STAT1: variants seen among roughly 807,000 people sequenced by gnomAD.
The protein encoded by STAT1 is signal transducer and activator of transcription 1-alpha/beta.
In STAT1, 24 loss-of-function variants were observed where a neutral mutation model predicts 111.7. The observed-to-expected ratio is 0.21, with a 90% CI of 0.16 to 0.30. The LOEUF is 0.30. Ranked by LOEUF, STAT1 falls within the 10% of genes least tolerant of loss-of-function variation. The pLI is 1.00. For missense variants in STAT1, 351 were observed against 911.9 expected, an observed-to-expected ratio of 0.38 and a Z score of 7.92; for synonymous variants, 332 against 326.5, an observed-to-expected ratio of 1.02 and a Z score of -0.18.
intron 5 of STAT1, among the ~76,000 whole-genome samples, chr2:191,002,857 T>A (rs1396001803): frequency 2.0e-5 from 3 of 152,234 alleles, no homozygotes; most frequent in African/African-American, 7.2e-5. Flanking sequence ...GAATGAGTAT[T>A]GAATTCTGTT....
rs1694756690 is a variant in STAT1, at chr2:191,007,015, G to A, written c.372+548C>T. 6.6e-6 allele frequency among the ~76,000 whole-genome samples: 1 copy of A among 152,118 alleles called. No individual in the cohort carries two copies. The highest frequency in any genetic ancestry group is 1.5e-5 in the Non-Finnish European group (1 of 68,030). On this transcript the variant is annotated intron_variant, in intron 5 of 24. Coordinates refer to ENST00000361099, the MANE Select transcript of STAT1 (RefSeq NM_007315.4). The surrounding 1 kb of genome is among the most constrained non-coding windows in gnomAD (Gnocchi z 4.2). The stretch of plus-strand genomic sequence containing the variant: ...CATTACCATTTTTCAAGGGGTTCTA[G>A]TAGCTGCTGTAGAGCCATCCTTGAC...
chr2:190,976,865 T>G lies in STAT1; in HGVS notation c.2034A>C (p.Gly678=), dbSNP rs781537075. The change falls in exon 22 of 25, where the codon GGA becomes GGC. Residue 678 remains glycine, a synonymous_variant. Coordinates refer to ENST00000361099, the MANE Select transcript of STAT1 (RefSeq NM_007315.4). The surrounding 1 kb of genome is among the most constrained non-coding windows in gnomAD (Gnocchi z 6.0). ...CTTCCTTTGGCCTGGAGTAATACTTTCCAAAGGCATGGTCTTTGTCAATAT... is the reference window on the plus strand; with the variant it reads ...CTTCCTTTGGCCTGGAGTAATACTTGCCAAAGGCATGGTCTTTGTCAATAT... ...YPNIDKDHAF[G]KYYSRPKEAP... 1.2e-6 allele frequency: 2 copies of G among 1,614,208 alleles called. No individual in the cohort carries two copies. The highest frequency in any genetic ancestry group is 1.7e-5 in the Admixed American group (1 of 60,026).
intron 24 of STAT1, among the ~76,000 whole-genome samples, chr2:190,972,817 GT>G (rs1462674408): frequency 1.6e-4 from 4 of 25,572 alleles, no homozygotes; most frequent in African/African-American, 4.6e-4. Flanking sequence ...TGTATAGAGG[GT>G]GTGTGTGTGT....
In STAT1 at chr2:190,998,089, A is replaced by G; in HGVS notation, c.634-82T>C. On this transcript the variant is annotated intron_variant, in intron 8 of 24. Transcript: ENST00000361099. This position sits in a 1 kb window ranked among gnomAD's most constrained non-coding sequence, Gnocchi z 4.1. ...AAAATATTTTTTAAAAGAAAAGCAA[A>G]TATCATTTCATTCTCAACTGGGGCT... The G allele has an allele frequency of 1.9e-6, 3 of 1,573,424 alleles. No homozygotes were observed. The highest frequency in any genetic ancestry group is 2.6e-6 in the Non-Finnish European group (3 of 1,151,984).
chr2:191,004,807 C>CA lies in STAT1; in HGVS notation c.372+2755dup, dbSNP rs1347069248. ...TGGTAACCATTAGTCCTTAAGAACA[C>CA]AAAGATGGAACAGCAAAGGAAGCTT... On this transcript the variant is annotated intron_variant, in intron 5 of 24. Transcript: ENST00000361099. This position sits in a 1 kb window ranked among gnomAD's most constrained non-coding sequence, Gnocchi z 5.0. Among the ~76,000 whole-genome samples, 1 of 152,188 alleles carries CA rather than the reference C, an allele frequency of 6.6e-6. No homozygotes were observed. Among genetic ancestry groups the CA allele is most frequent in the Non-Finnish European group, 1.5e-5 (1 of 68,040 alleles).
In STAT1 at chr2:190,999,708, C is replaced by T. The variant is rs367840028; in HGVS notation, c.463-4G>A. Reference sequence around the variant, plus strand: ...TCTTGATTTCATGCTCTATACACTACAAACAAAGATGTAAACATGTTTTCT... The same window carrying T: ...TCTTGATTTCATGCTCTATACACTATAAACAAAGATGTAAACATGTTTTCT... On this transcript the variant is annotated splice_region_variant and splice_polypyrimidine_tract_variant and intron_variant, in intron 6 of 24. Transcript: ENST00000361099. This position sits in a 1 kb window ranked among gnomAD's most constrained non-coding sequence, Gnocchi z 4.1. The T allele has an allele frequency of 1.2e-6, 2 of 1,606,424 alleles. No homozygotes were observed.
At position 190,978,791 on chromosome 2, in the gene STAT1, G is replaced by A; in HGVS notation, c.1873+65C>T. On this transcript the variant is annotated intron_variant, in intron 21 of 24. Coordinates refer to ENST00000361099, the MANE Select transcript of STAT1 (RefSeq NM_007315.4). The surrounding 1 kb of genome is among the most constrained non-coding windows in gnomAD (Gnocchi z 6.1). ...ACGCACTATCTGTATGAGCTGACTG[G>A]CGGCGATGAAGAGGGACTTCACACA... 6.3e-7 allele frequency: 1 copy of A among 1,591,960 alleles called. No homozygotes were observed. The highest frequency in any genetic ancestry group is 2.3e-5 in the East Asian group (1 of 44,386).
chr2:191,005,652 C>T (rs146748824), intron 5 of STAT1, among the ~76,000 whole-genome samples: 4 of 152,262 alleles, frequency 2.6e-5, no homozygotes, highest in East Asian at 3.9e-4. Context: ...CACAAAAACG[C>T]GATCACCTAG....
At position 190,973,427 on chromosome 2, in the gene STAT1, G is replaced by T. The variant is rs1691655529; in HGVS notation, c.2238+1403C>A. Reference sequence around the variant, plus strand: ...ATAACACCTAACTCAGAAGGTGGCTGTGAGGACTGAATGAGTTACTACCTG... The same window carrying T: ...ATAACACCTAACTCAGAAGGTGGCTTTGAGGACTGAATGAGTTACTACCTG... On this transcript the variant is annotated intron_variant, in intron 24 of 24. Coordinates refer to ENST00000361099, the MANE Select transcript of STAT1 (RefSeq NM_007315.4). This position sits in a 1 kb window ranked among gnomAD's most constrained non-coding sequence, Gnocchi z 4.4. Among the ~76,000 whole-genome samples, 5 of 152,202 alleles carry T rather than the reference G, an allele frequency of 3.3e-5. No individual in the cohort carries two copies. Among genetic ancestry groups the T allele is most frequent in the South Asian group, 2.1e-4 (1 of 4,834 alleles).
rs1693520604 is a variant in STAT1 at position 190,993,191 on chromosome 2, C to T, written c.944+1870G>A. ...TACTACTTTCTCTGTGGTCAGATCA[C>T]ACTTGTTCCCTACCAACAATTTGTT... On this transcript the variant is annotated intron_variant, in intron 10 of 24. Coordinates refer to ENST00000361099, the MANE Select transcript of STAT1 (RefSeq NM_007315.4). This position sits in a 1 kb window ranked among gnomAD's most constrained non-coding sequence, Gnocchi z 4.1. 3.8e-6 allele frequency: 2 copies of T among 531,880 alleles called. No homozygotes were observed. Among genetic ancestry groups the T allele is most frequent in the South Asian group, 3.6e-5 (2 of 55,598 alleles). The allele number at this position is 531,880 out of a possible 1,614,324, so 32.9% of individuals were successfully genotyped here.
rs1490470703 is a variant in STAT1, at chr2:190,989,712, T to C, written c.1038-38A>G. The C allele has an allele frequency of 1.4e-6, 2 of 1,447,122 alleles. No homozygotes were observed. The highest frequency in any genetic ancestry group is 1.2e-5 in the South Asian group (1 of 83,654). 89.6% of individuals were successfully genotyped at this position (1,447,122 alleles called of 1,614,324 possible). A position where few individuals can be genotyped will look rare whatever the true frequency, so the allele number is the denominator to read the frequency against. On this transcript the variant is annotated intron_variant, in intron 11 of 24. Transcript: ENST00000361099. The surrounding 1 kb of genome is among the most constrained non-coding windows in gnomAD (Gnocchi z 5.0). ...ATAAAAGCCATTACTTAAAAAAAAT[T>C]ATCTGTTACAATTTATTTATTATGC...
chr2:190,970,332 C>T lies in STAT1; in HGVS notation c.*371G>A. 3.3e-6 allele frequency: 1 copy of T among 301,892 alleles called. No individual in the cohort carries two copies. The highest frequency in any genetic ancestry group is 6.4e-6 in the Non-Finnish European group (1 of 155,304). 18.7% of individuals were successfully genotyped at this position (301,892 alleles called of 1,614,324 possible). The stretch of plus-strand genomic sequence containing the variant: ...TTCCCTAAATAACCACTGATTTATC[C>T]AACAACCTATAACAGTTGGGCACTG... On this transcript the variant is annotated 3_prime_UTR_variant, in exon 25 of 25. Coordinates refer to ENST00000361099, the MANE Select transcript of STAT1 (RefSeq NM_007315.4). The surrounding 1 kb of genome is among the most constrained non-coding windows in gnomAD (Gnocchi z 5.4).
chr2:191,006,883 C>T lies in STAT1; in HGVS notation c.372+680G>A, dbSNP rs1315138973. ...ATAGGTATCTTGATGTTGCTCAAAA[C>T]AAAGCCCTTGATTTTCCCATCAGCC... On this transcript the variant is annotated intron_variant, in intron 5 of 24. Transcript: ENST00000361099. The surrounding 1 kb of genome is among the most constrained non-coding windows in gnomAD (Gnocchi z 4.6). 1.3e-5 allele frequency among the ~76,000 whole-genome samples: 2 copies of T among 152,178 alleles called. No homozygotes were observed. The highest frequency in any genetic ancestry group is 2.9e-5 in the Non-Finnish European group (2 of 68,022).
Position 190,986,992 on chromosome 2 carries a change from A to T in STAT1, c.1128-45T>A, listed in dbSNP as rs372469368. On this transcript the variant is annotated intron_variant, in intron 13 of 24. Transcript: ENST00000361099. This position sits in a 1 kb window ranked among gnomAD's most constrained non-coding sequence, Gnocchi z 5.0. Reference sequence around the variant, plus strand: ...AATGCTGAAAAGTCTTCCAACTATTAAATAAATAAAAATATAGCACAGTAT... The same window carrying T: ...AATGCTGAAAAGTCTTCCAACTATTTAATAAATAAAAATATAGCACAGTAT... The T allele has an allele frequency of 1.4e-4, 227 of 1,610,424 alleles. No homozygotes were observed. Among genetic ancestry groups the T allele is most frequent in the Non-Finnish European group, 1.9e-4 (221 of 1,176,750 alleles).
chr2:190,987,117 T>C lies in STAT1; in HGVS notation c.1098-49A>G. The C allele has an allele frequency of 7.0e-7, 1 of 1,422,104 alleles. No homozygotes were observed. Among genetic ancestry groups the C allele is most frequent in the Non-Finnish European group, 9.9e-7 (1 of 1,009,802 alleles). The allele number at this position is 1,422,104 out of a possible 1,614,324, so 88.1% of individuals were successfully genotyped here. ...ACATATGCGTATTTAAAATTTGAAATAAGCTTTAACAAAATTATAAGAGTA... is the reference window on the plus strand; with the variant it reads ...ACATATGCGTATTTAAAATTTGAAACAAGCTTTAACAAAATTATAAGAGTA... On this transcript the variant is annotated intron_variant, in intron 12 of 24. Coordinates refer to ENST00000361099, the MANE Select transcript of STAT1 (RefSeq NM_007315.4). The surrounding 1 kb of genome is among the most constrained non-coding windows in gnomAD (Gnocchi z 4.0).
rs188150887 is a variant in STAT1, at chr2:190,996,439, T to C, written c.786-1220A>G. On this transcript the variant is annotated intron_variant, in intron 9 of 24. Coordinates refer to ENST00000361099, the MANE Select transcript of STAT1 (RefSeq NM_007315.4). The surrounding 1 kb of genome is among the most constrained non-coding windows in gnomAD (Gnocchi z 4.5). Reference sequence around the variant, plus strand: ...AGTTCCAGCGGAGAAGCTAAACCAGTGTCCCCAACTCTGCTTGCACACAGA... The same window carrying C: ...AGTTCCAGCGGAGAAGCTAAACCAGCGTCCCCAACTCTGCTTGCACACAGA... Among the ~76,000 whole-genome samples, 7 of 152,250 alleles carry C rather than the reference T, an allele frequency of 4.6e-5. No individual in the cohort carries two copies. The highest frequency in any genetic ancestry group is 1.7e-4 in the African/African-American group (7 of 41,540).
At position 190,971,993 on chromosome 2, in the gene STAT1, G is replaced by C. The variant is rs1366558874; in HGVS notation, c.2239-1276C>G. On this transcript the variant is annotated intron_variant, in intron 24 of 24. Transcript: ENST00000361099. This position sits in a 1 kb window ranked among gnomAD's most constrained non-coding sequence, Gnocchi z 4.1. ...CTCCCAAAATGTTGAGATTACAGGC[G>C]TGAGCCACCGCGCCCGGCCTGGCTG... Among the ~76,000 whole-genome samples the C allele has an allele frequency of 6.6e-6, 1 of 152,104 alleles. No homozygotes were observed. The highest frequency in any genetic ancestry group is 2.4e-5 in the African/African-American group (1 of 41,406).
rs1694817116 is a variant in STAT1 at position 191,007,770 on chromosome 2, C to T, written c.274-109G>A. The T allele has an allele frequency of 3.8e-6, 3 of 797,692 alleles. No individual in the cohort carries two copies. In the African/African-American group the frequency reaches 5.2e-5, roughly 14 times the overall value. 49.4% of individuals were successfully genotyped at this position (797,692 alleles called of 1,614,324 possible). ...TTATATTCTCCGGGAAACCTCATCTCTCATCTATTAAATTCTATATAAGCT... is the reference window on the plus strand; with the variant it reads ...TTATATTCTCCGGGAAACCTCATCTTTCATCTATTAAATTCTATATAAGCT... On this transcript the variant is annotated intron_variant, in intron 4 of 24. Transcript: ENST00000361099. The surrounding 1 kb of genome is among the most constrained non-coding windows in gnomAD (Gnocchi z 4.2).
At position 190,998,683 on chromosome 2, in the gene STAT1, A is replaced by G. The variant is rs41515945; in HGVS notation, c.542-375T>C. 0.065 allele frequency among the ~76,000 whole-genome samples: 9,568 copies of G among 147,598 alleles called. 345 individuals carry two copies. Among genetic ancestry groups the G allele is most frequent in the Middle Eastern group, 0.13 (39 of 290 alleles). On this transcript the variant is annotated intron_variant, in intron 7 of 24. Coordinates refer to ENST00000361099, the MANE Select transcript of STAT1 (RefSeq NM_007315.4). This position sits in a 1 kb window ranked among gnomAD's most constrained non-coding sequence, Gnocchi z 4.1. ...TCTCCAAAAAAAAACAAAAAAAACA[A>G]AAAAAAAACAAAAAAAACTTGTTTT... is the stretch of plus-strand genomic sequence containing the variant.
Sources: gnomAD v4.1 joint callset for allele counts (sites outside exome capture counted in the v4.1 genomes callset) on GRCh38, gnomAD v4.1.1 for gene constraint, Gnocchi (gnomAD v3.1) non-coding constraint, MANE v1.5 for transcripts, NCBI Gene and HGNC (gene_info 2026-07-23, HGNC 2026-07-21) for gene names.